Variants in ANK2 observed in about 807,000 individuals in gnomAD.
ANK2 encodes ankyrin-2.
In ANK2, 83 loss-of-function variants were observed where a neutral mutation model predicts 360.5. The observed-to-expected ratio is 0.23, with a 90% CI of 0.19 to 0.28. The LOEUF (loss-of-function observed/expected upper bound fraction) is 0.28, where lower values mean the gene tolerates loss of function less well. ANK2 is among the 10% of genes least tolerant of loss of function. The pLI, the probability that ANK2 is intolerant of heterozygous loss-of-function variation, is 1.00. For missense variants in ANK2, 4,201 were observed against 4,795.7 expected (o/e 0.88, Z 3.66); for synonymous variants, 1,740 against 1,759.5 (o/e 0.99, Z 0.28).
At chr4:112,985,242 C>T (rs1432669741) in intron 2 of ANK2, among the ~76,000 whole-genome samples, 1 of 152,120 alleles carries the variant, frequency 6.6e-6, no homozygotes, top group African/African-American at 2.4e-5. Flanking sequence ...GATATAGTTC[C>T]AGTTGAGTGT....
At chr4:113,186,587 TTCTC>T (rs1554246496) in intron 2 of ANK2, among the ~76,000 whole-genome samples, 13 of 46,854 alleles carry the variant, frequency 2.8e-4, no homozygotes, top group South Asian at 7.8e-4. Flanking sequence ...TCTCTCTCTC[TTCTC>T]TCTCTCTCTC....
rs34514286 is a variant in ANK2 at position 112,955,847 on chromosome 4, C to T, written c.21+51333C>T. On this transcript the variant is annotated intron_variant, in intron 2 of 30. Transcript: ENST00000503271. The stretch of plus-strand genomic sequence containing the variant: ...TATGGATGTCATCTTGTTTTCTAAA[C>T]AAATTTTCTTATAGCAAGTATAGGG... 2.1e-3 allele frequency among the ~76,000 whole-genome samples: 315 copies of T among 152,226 alleles called. 1 individual carries two copies. Among genetic ancestry groups the T allele is most frequent in the Non-Finnish European group, 3.6e-3 (244 of 67,982 alleles).
intron 2 of ANK2, among the ~76,000 whole-genome samples, chr4:113,186,513 A>C (rs945515552): frequency 5.3e-5 from 8 of 150,626 alleles, no homozygotes; most frequent in East Asian, 2.0e-4. Context: ...GAAGTTTCCC[A>C]GTACTTTCCC....
At chr4:113,278,773 G>A (rs573736323) in intron 17 of ANK2, among the ~76,000 whole-genome samples, 1 of 152,150 alleles carries the variant, frequency 6.6e-6, no homozygotes, top group Admixed American at 6.5e-5. Flanking sequence ...AAATATTAAG[G>A]GGATGTGCCT....
intron 2 of ANK2, among the ~76,000 whole-genome samples, chr4:112,949,484 T>A (rs79042133): frequency 1.3e-5 from 2 of 152,326 alleles, no homozygotes; most frequent in Non-Finnish European, 2.9e-5. Context: ...ACTGACTTGT[T>A]AACTCAGTTT....
chr4:113,030,217 T>C (rs375324362), intron 2 of ANK2, among the ~76,000 whole-genome samples: 1 of 151,996 alleles, frequency 6.6e-6, no homozygotes, highest in East Asian at 1.9e-4. Flanking sequence ...AACCAAATAA[T>C]ATATTAGGGA....
At chr4:113,180,027 C>T (rs940448323) in intron 2 of ANK2, among the ~76,000 whole-genome samples, 6 of 152,224 alleles carry the variant, frequency 3.9e-5, no homozygotes, top group South Asian at 2.1e-4. Flanking sequence ...GCAAAATTAT[C>T]AGTTAAATCC....
At chr4:113,242,526 T>C (rs2040524773) in intron 9 of ANK2, among the ~76,000 whole-genome samples, 1 of 152,204 alleles carries the variant, frequency 6.6e-6, no homozygotes, top group Non-Finnish European at 1.5e-5. Flanking sequence ...GTTATAAGTA[T>C]CAAGAACCCA....
the ANK2 span, among the ~76,000 whole-genome samples, chr4:112,744,437 C>T: frequency 6.6e-6 from 1 of 151,372 alleles, no homozygotes; most frequent in Admixed American, 6.6e-5. Flanking sequence ...GCCCCCGCCT[C>T]CCGGGTTCAA....
chr4:113,353,958 A>C lies in ANK2; in HGVS notation c.5340A>C (p.Glu1780Asp). The part of the protein sequence containing the change: ...VKALQKRVED[E>D]QKGRSKLPIR... The stretch of plus-strand genomic sequence containing the variant: ...CCCTTCAGAAGCGAGTGGAAGATGA[A>C]CAGAAAGGTCGAAGCAAGTTGCCCA... Residue 1780 changes from glutamate (E) to aspartate (D), a missense_variant, in exon 38 of 46, where the codon GAA (glutamate) becomes GAC (aspartate). Glu to Asp is a conservative substitution (Grantham distance 45). Around this residue, in one of 4 missense-constraint regions of ANK2, gnomAD observed 2,642 missense variants for 2,714.5 expected, o/e 0.97. Transcript: ENST00000357077. 1.2e-6 allele frequency: 2 copies of C among 1,614,090 alleles called. No homozygotes were observed. Among genetic ancestry groups the C allele is most frequent in the Non-Finnish European group, 1.7e-6 (2 of 1,179,972 alleles).
chr4:112,987,805 T>A (rs1296313238), intron 2 of ANK2, among the ~76,000 whole-genome samples: 1 of 152,144 alleles, frequency 6.6e-6, no homozygotes, highest in Non-Finnish European at 1.5e-5. Flanking sequence ...ACATATATGT[T>A]ATAGAAACAA....
At chr4:112,807,240 A>G in the ANK2 span, among the ~76,000 whole-genome samples, 8 of 152,322 alleles carry the variant, frequency 5.3e-5, no homozygotes, top group East Asian at 1.2e-3. Flanking sequence ...CCTGTTTCCT[A>G]TCACGGTTGC....
chr4:113,084,308 G>A (rs2083602377), intron 1 of ANK2, among the ~76,000 whole-genome samples: 1 of 152,226 alleles, frequency 6.6e-6, no homozygotes. Context: ...GCTTCTCTGT[G>A]AAAAAGCAGC....
chr4:112,775,726 A>T, the ANK2 span, among the ~76,000 whole-genome samples: 1 of 152,144 alleles, frequency 6.6e-6, no homozygotes, highest in African/African-American at 2.4e-5. Context: ...GAGTATTCAT[A>T]TAGGGAGACC....
chr4:112,732,164 G>C, the ANK2 span, among the ~76,000 whole-genome samples: 413 of 151,938 alleles, frequency 2.7e-3, 3 homozygotes, highest in African/African-American at 9.7e-3. Context: ...GGGTGTATCA[G>C]CTCATTTTAC....
At chr4:112,948,844 G>A (rs2154251411) in intron 2 of ANK2, among the ~76,000 whole-genome samples, 1 of 152,272 alleles carries the variant, frequency 6.6e-6, no homozygotes, top group East Asian at 1.9e-4. Context: ...GACTTTCTAT[G>A]GTTGAGGGAA....
At chr4:113,280,788 C>A (rs1046115973) in intron 17 of ANK2, among the ~76,000 whole-genome samples, 2 of 152,170 alleles carry the variant, frequency 1.3e-5, no homozygotes, top group Admixed American at 6.5e-5. Context: ...AGAATTGACA[C>A]CTTCTTTGAT....
the ANK2 span, among the ~76,000 whole-genome samples, chr4:112,714,045 T>C: frequency 2.6e-5 from 4 of 152,372 alleles, no homozygotes; most frequent in South Asian, 8.3e-4. Context: ...TGCGTCCTTG[T>C]CAACATTTGA....
the ANK2 span, among the ~76,000 whole-genome samples, chr4:112,741,185 CA>C: frequency 6.6e-6 from 1 of 152,042 alleles, no homozygotes; most frequent in South Asian, 2.1e-4. Context: ...GTTTTTCTAG[CA>C]AAAACTGTTT....
Sources: gnomAD v4.1 joint callset for allele counts (sites outside exome capture counted in the v4.1 genomes callset) on GRCh38, gnomAD v4.1.1 for gene constraint, gnomAD v4.1.1 regional missense constraint, MANE v1.5 for transcripts, NCBI Gene and HGNC (gene_info 2026-07-23, HGNC 2026-07-21) for gene names.